ENDOD1: variants seen among roughly 807,000 people sequenced by gnomAD.
ENDOD1 encodes endonuclease domain-containing 1 protein.
A neutral mutation model predicts 6.5 loss-of-function variants in ENDOD1; 9 were observed. The observed-to-expected ratio is 1.39, with a 90% CI of 0.84 to 2.43. ENDOD1 has a LOEUF of 2.43. ENDOD1 is among the 30% of genes most tolerant of loss of function. The pLI, the probability that ENDOD1 is intolerant of heterozygous loss-of-function variation, is 0.00. For missense variants in ENDOD1, 648 were observed against 635.5 expected, an observed-to-expected ratio of 1.02 and a Z score of -0.21; for synonymous variants, 255 against 255.2, an observed-to-expected ratio of 1.00 and a Z score of 0.01.
chr11:95,090,281 G>A (rs1392975520), intron 1 of ENDOD1, 54 bp downstream of exon 1: 2 of 1,356,888 alleles, frequency 1.5e-6, no homozygotes, highest in East Asian at 3.1e-5. Context: ...CGTGCCGCTG[G>A]ACATGCCCCC....
intron 1 of ENDOD1, among the ~76,000 whole-genome samples, chr11:95,101,153 C>T (rs1859036749): frequency 1.3e-5 from 2 of 152,104 alleles, no homozygotes; most frequent in Non-Finnish European, 2.9e-5. Context: ...GCCATATTGT[C>T]TCTGTTGCTA....
rs894960920 is a variant in ENDOD1, at chr11:95,128,285, G to A, written c.301-92G>A. The A allele has an allele frequency of 4.8e-6, 7 of 1,446,264 alleles. No individual in the cohort carries two copies. In the Admixed American group the frequency reaches 1.5e-4, roughly 31 times the overall value. 89.6% of individuals were successfully genotyped at this position (1,446,264 alleles called of 1,614,324 possible). A position where few individuals can be genotyped will look rare whatever the true frequency, so the allele number is the denominator to read the frequency against. On this transcript the variant is annotated intron_variant, in intron 1 of 1. Transcript: ENST00000278505. ...CAAGCGTTTGAAGTAATAGACCAGT[G>A]GGGACTTCTCCAGAGTCTGGGCAGG...
intron 1 of ENDOD1, among the ~76,000 whole-genome samples, chr11:95,117,431 A>G (rs1163036710): frequency 6.6e-5 from 10 of 152,150 alleles, no homozygotes; most frequent in Admixed American, 2.0e-4. Context: ...TTTGCATTAT[A>G]TATCTGGGTG....
chr11:95,103,127 G>T (rs1401024970), intron 1 of ENDOD1, among the ~76,000 whole-genome samples: 4 of 151,696 alleles, frequency 2.6e-5, no homozygotes, highest in Non-Finnish European at 1.5e-5. Context: ...GTGTGTGTGT[G>T]TGTGTGTGTG....
At chr11:95,121,577 T>G (rs1162082477) in intron 1 of ENDOD1, among the ~76,000 whole-genome samples, 1 of 152,234 alleles carries the variant, frequency 6.6e-6, no homozygotes, top group Non-Finnish European at 1.5e-5. Context: ...TTTTTCATTG[T>G]TTTCCTTACA....
At chr11:95,098,548 T>C (rs1412213667) in intron 1 of ENDOD1, among the ~76,000 whole-genome samples, 4 of 152,194 alleles carry the variant, frequency 2.6e-5, no homozygotes, top group African/African-American at 9.7e-5. Flanking sequence ...GTATATCAGT[T>C]ATACTTTGAT....
chr11:95,126,287 T>G (rs1247799413), intron 1 of ENDOD1, among the ~76,000 whole-genome samples: 3 of 152,188 alleles, frequency 2.0e-5, no homozygotes, highest in Non-Finnish European at 4.4e-5. Context: ...AGACTAGAGG[T>G]GCAACACAAT....
At chr11:95,092,007 C>CA (rs1858935996) in intron 1 of ENDOD1, among the ~76,000 whole-genome samples, 1 of 151,848 alleles carries the variant, frequency 6.6e-6, no homozygotes, top group Non-Finnish European at 1.5e-5. Flanking sequence ...ATGACCTAAG[C>CA]AAAAAACCAT....
intron 1 of ENDOD1, among the ~76,000 whole-genome samples, chr11:95,117,273 G>A (rs1859220069): frequency 1.3e-5 from 2 of 152,220 alleles, no homozygotes; most frequent in Non-Finnish European, 2.9e-5. Context: ...GCCAGGTGTG[G>A]TGGCATGTGC....
chr11:95,104,426 A>G (rs1859070402), intron 1 of ENDOD1, among the ~76,000 whole-genome samples: 1 of 145,428 alleles, frequency 6.9e-6, no homozygotes. Flanking sequence ...CAGCCTGGGC[A>G]ACTGGAGTGA....
intron 1 of ENDOD1, among the ~76,000 whole-genome samples, chr11:95,103,879 C>T (rs1004269056): frequency 6.6e-6 from 1 of 152,200 alleles, no homozygotes; most frequent in African/African-American, 2.4e-5. Flanking sequence ...GAATAAGTAG[C>T]CTTTGCTTCC....
rs533287611 is a variant in ENDOD1, at chr11:95,119,589, C to T, written c.301-8788C>T. ...ACACAAGCACCCCTGTGGCCACCAC[C>T]GCTAGGACTGTGGTGGGTCAGACCT... On this transcript the variant is annotated intron_variant, in intron 1 of 1. Transcript: ENST00000278505. Among the ~76,000 whole-genome samples the T allele has an allele frequency of 6.6e-5, 10 of 152,316 alleles. 1 individual carries two copies. The highest frequency in any genetic ancestry group is 5.8e-4 in the East Asian group (3 of 5,188).
chr11:95,097,490 G>GA (rs1858997727), intron 1 of ENDOD1, among the ~76,000 whole-genome samples: 1 of 152,206 alleles, frequency 6.6e-6, no homozygotes, highest in Non-Finnish European at 1.5e-5. Flanking sequence ...TGGGGAAGGA[G>GA]ACGGCAGATC....
At position 95,128,658 on chromosome 11, in the gene ENDOD1, A is replaced by G. The variant is rs755106542; in HGVS notation, c.582A>G (p.Glu194=). Residue 194 remains glutamate (E), a synonymous_variant, in exon 2 of 2, where the codon GAA becomes GAG. Transcript: ENST00000278505. ...TGACCCCACAGTGTGGCAGTGGGGA[A>G]GACCTATATATCCTCACAGGCACAG... The part of the protein sequence containing the change: ...RALTPQCGSG[E]DLYILTGTVP... 14 of 1,614,028 alleles carry G rather than the reference A, an allele frequency of 8.7e-6. No individual in the cohort carries two copies. In the Admixed American group the frequency reaches 2.2e-4, roughly 25 times the overall value.
chr11:95,129,637 T>C lies in ENDOD1; in HGVS notation c.*58T>C. The stretch of plus-strand genomic sequence containing the variant: ...AATTTGAAAGCTGGAATAGTTTGTC[T>C]TTACAATGGGTTTCTGTTCACTGTC... On this transcript the variant is annotated 3_prime_UTR_variant, in exon 2 of 2. Coordinates refer to ENST00000278505, the MANE Select transcript of ENDOD1 (RefSeq NM_015036.3). The C allele has an allele frequency of 1.3e-6, 2 of 1,538,628 alleles. No homozygotes were observed. Among genetic ancestry groups the C allele is most frequent in the Non-Finnish European group, 1.8e-6 (2 of 1,138,010 alleles).
At chr11:95,115,550 T>C (rs967404010) in intron 1 of ENDOD1, among the ~76,000 whole-genome samples, 11 of 152,174 alleles carry the variant, frequency 7.2e-5, no homozygotes, top group Admixed American at 5.9e-4. Context: ...ATAATGATGG[T>C]GAAAGTGGGC....
intron 1 of ENDOD1, 149 bp downstream of exon 1, chr11:95,090,376 C>A: frequency 1.8e-6 from 2 of 1,115,106 alleles, no homozygotes; most frequent in Non-Finnish European, 2.3e-6. Flanking sequence ...GGTTCCAGGT[C>A]CACCCTGTTG....
At chr11:95,120,685 G>A (rs1859254968) in intron 1 of ENDOD1, among the ~76,000 whole-genome samples, 1 of 152,134 alleles carries the variant, frequency 6.6e-6, no homozygotes, top group South Asian at 2.1e-4. Context: ...TGTCTCGGTA[G>A]GTCACATGCC....
At position 95,128,785 on chromosome 11, in the gene ENDOD1, G is replaced by T. The variant is rs1343813031; in HGVS notation, c.709G>T (p.Val237Phe). 1.9e-6 allele frequency: 3 copies of T among 1,614,084 alleles called. No individual in the cohort carries two copies. The highest frequency in any genetic ancestry group is 1.7e-6 in the Non-Finnish European group (2 of 1,180,048). Residue 237 changes from valine to phenylalanine, a missense_variant, in exon 2 of 2, where the codon GTC becomes TTC. Coordinates refer to ENST00000278505, the MANE Select transcript of ENDOD1 (RefSeq NM_015036.3). ...VPGGGWAMGF[V>F]KHTRDSDIIE... ...TGGAGGAGGCTGGGCCATGGGCTTT[G>T]TCAAGCACACCCGGGACAGTGACAT...
Sources: gnomAD v4.1 joint callset for allele counts (sites outside exome capture counted in the v4.1 genomes callset) on GRCh38, gnomAD v4.1.1 for gene constraint, MANE v1.5 for transcripts, NCBI Gene and HGNC (gene_info 2026-07-23, HGNC 2026-07-21) for gene names.